Variants in C1QTNF3 observed in about 807,000 individuals in gnomAD.
C1QTNF3 encodes the protein complement C1q tumor necrosis factor-related protein 3.
A neutral mutation model predicts 32.6 loss-of-function variants in C1QTNF3; 26 were observed. The observed-to-expected ratio is 0.80, with a 90% confidence interval of 0.58 to 1.11. The LOEUF (loss-of-function observed/expected upper bound fraction) is 1.11. C1QTNF3 is among the 50% of genes least tolerant of loss of function. C1QTNF3 has a pLI of 0.00. For missense variants in C1QTNF3, 362 were observed against 398.2 expected (o/e 0.91, Z 0.77); for synonymous variants, 155 against 146.0 (o/e 1.06, Z -0.44).
the C1QTNF3 span, among the ~76,000 whole-genome samples, chr5:34,062,459 T>A: frequency 6.6e-6 from 1 of 152,314 alleles, no homozygotes; most frequent in South Asian, 2.1e-4. Context: ...ATCCTGTTTA[T>A]CCTATGTGCC....
Position 34,020,847 on chromosome 5 carries a change from C to T in C1QTNF3, c.801-105G>A, listed in dbSNP as rs867123088. On this transcript the variant is annotated intron_variant, in intron 5 of 5. Coordinates refer to ENST00000382065, the MANE Select transcript of C1QTNF3 (RefSeq NM_181435.6). ...TCTCCTTCCCACAGGTATAATCCTG[C>T]GGCTAAGTTCTCTAAACAGCCTGTG... 38 of 1,190,434 alleles carry T rather than the reference C, an allele frequency of 3.2e-5. 1 individual carries two copies. In the Middle Eastern group the frequency reaches 3.4e-3, roughly 107 times the overall value. 73.7% of individuals were successfully genotyped at this position (1,190,434 alleles called of 1,614,324 possible).
At chr5:34,229,738 C>T in the C1QTNF3 span, among the ~76,000 whole-genome samples, 1 of 152,054 alleles carries the variant, frequency 6.6e-6, no homozygotes, top group African/African-American at 2.4e-5. Flanking sequence ...ATTTGTGTCT[C>T]CCTAAAATTA....
the C1QTNF3 span, among the ~76,000 whole-genome samples, chr5:34,109,411 A>G: frequency 6.6e-6 from 1 of 152,106 alleles, no homozygotes; most frequent in African/African-American, 2.4e-5. Flanking sequence ...CACAGCAGCA[A>G]GAACCAGACT....
At chr5:34,220,349 C>T in the C1QTNF3 span, among the ~76,000 whole-genome samples, 1 of 152,010 alleles carries the variant, frequency 6.6e-6, no homozygotes, top group East Asian at 1.9e-4. Flanking sequence ...TATTGTAAGA[C>T]TATTTATACT....
the C1QTNF3 span, among the ~76,000 whole-genome samples, chr5:34,174,037 T>G: frequency 2.6e-5 from 4 of 152,342 alleles, no homozygotes; most frequent in African/African-American, 9.6e-5. Flanking sequence ...CGATTTGGCT[T>G]ATATGATCTC....
the C1QTNF3 span, among the ~76,000 whole-genome samples, chr5:34,056,477 TATAGAGAGAG>T: frequency 0.012 from 1,023 of 87,000 alleles, 4 homozygotes; most frequent in Non-Finnish European, 0.018. Flanking sequence ...TATATATATA[TATAGAGAGAG>T]AGAGAGAGAG....
chr5:34,227,323 ATT>A, the C1QTNF3 span, among the ~76,000 whole-genome samples: 1 of 151,458 alleles, frequency 6.6e-6, no homozygotes, highest in South Asian at 2.1e-4. Flanking sequence ...ACTTTTGTAT[ATT>A]TTTGTTTTAC....
At chr5:34,157,954 CATTTCAATGTATT>C in the C1QTNF3 span, among the ~76,000 whole-genome samples, 1 of 152,106 alleles carries the variant, frequency 6.6e-6, no homozygotes, top group Admixed American at 6.5e-5. Context: ...CAAAAATCTA[CATTTCAATGTATT>C]ATTACCTTTC....
chr5:34,160,564 T>G, the C1QTNF3 span, among the ~76,000 whole-genome samples: 1 of 152,184 alleles, frequency 6.6e-6, no homozygotes, highest in Non-Finnish European at 1.5e-5. Flanking sequence ...GGACGCAGTG[T>G]GGCGTAGCAG....
chr5:34,166,433 A>G, the C1QTNF3 span: 1 of 152,152 alleles, frequency 6.6e-6, no homozygotes, highest in East Asian at 1.9e-4. Context: ...AACAAAAAAC[A>G]AAAAACTTAA....
At chr5:34,178,212 C>T in the C1QTNF3 span, among the ~76,000 whole-genome samples, 3 of 151,316 alleles carry the variant, frequency 2.0e-5, no homozygotes, top group Non-Finnish European at 2.9e-5. Flanking sequence ...ACCTGGGAGG[C>T]GGAGGTAGCA....
intron 5 of C1QTNF3, among the ~76,000 whole-genome samples, chr5:34,023,077 G>C (rs190575234): frequency 1.3e-3 from 191 of 152,144 alleles, no homozygotes; most frequent in African/African-American, 4.3e-3. Context: ...GGATGGTCTC[G>C]ATCTCCAGAC....
At chr5:34,023,629 A>T (rs921176648) in intron 5 of C1QTNF3, among the ~76,000 whole-genome samples, 1 of 152,232 alleles carries the variant, frequency 6.6e-6, no homozygotes, top group Non-Finnish European at 1.5e-5. Flanking sequence ...GAGGAGAAAA[A>T]TAATGAGTTA....
At chr5:34,057,477 T>C in the C1QTNF3 span, among the ~76,000 whole-genome samples, 1 of 152,212 alleles carries the variant, frequency 6.6e-6, no homozygotes, top group East Asian at 1.9e-4. Flanking sequence ...TATTGGGACA[T>C]TCATCATCCC....
chr5:34,033,185 G>A (rs1207015815), intron 3 of C1QTNF3, 119 bp downstream of exon 3: 2 of 1,104,286 alleles, frequency 1.8e-6, no homozygotes, highest in African/African-American at 3.2e-5. Flanking sequence ...AACAAACTGA[G>A]ACTCAGATTT....
the C1QTNF3 span, among the ~76,000 whole-genome samples, chr5:34,139,944 A>C: frequency 6.6e-6 from 1 of 152,246 alleles, no homozygotes; most frequent in Non-Finnish European, 1.5e-5. Flanking sequence ...AAGCTGGGAC[A>C]TAAATCTAGT....
the C1QTNF3 span, among the ~76,000 whole-genome samples, chr5:34,110,516 G>A: frequency 1.3e-5 from 2 of 150,482 alleles, no homozygotes; most frequent in Non-Finnish European, 3.0e-5. Context: ...TATCACAAAA[G>A]TTTCCTACGT....
the C1QTNF3 span, among the ~76,000 whole-genome samples, chr5:34,084,400 G>C: frequency 7.9e-5 from 12 of 151,678 alleles, no homozygotes; most frequent in Non-Finnish European, 1.5e-5. Flanking sequence ...AGCTGTTCTA[G>C]AGCAATAAAG....
the C1QTNF3 span, among the ~76,000 whole-genome samples, chr5:34,148,400 G>A: frequency 3.3e-5 from 1 of 30,412 alleles, no homozygotes; most frequent in Admixed American, 3.8e-4. Flanking sequence ...ACCTCTGGGG[G>A]CAGGGCACAG....
Sources: gnomAD v4.1 joint callset for allele counts (sites outside exome capture counted in the v4.1 genomes callset) on GRCh38, gnomAD v4.1.1 for gene constraint, MANE v1.5 for transcripts, NCBI Gene and HGNC (gene_info 2026-07-23, HGNC 2026-07-21) for gene names.